The following NUDCD1 variants were observed in gnomAD, a reference collection of about 807,000 sequenced individuals.
The protein encoded by NUDCD1 is NudC domain containing 1, also known as nudC domain-containing protein 1.
A neutral mutation model predicts 67.8 loss-of-function variants in NUDCD1; 60 were observed. The ratio of observed to expected loss-of-function variants is 0.88; its 90% CI spans 0.72 to 1.10. The LOEUF is 1.10. Ranked by LOEUF, NUDCD1 falls within the 50% of genes least tolerant of loss-of-function variation. NUDCD1 has a pLI of 0.00. For synonymous variants in NUDCD1, 244 were observed against 230.8 expected (o/e 1.06, Z -0.52); for missense variants, 643 against 695.0 (o/e 0.93, Z 0.84).
chr8:109,305,572 A>G (rs556373653), intron 2 of NUDCD1, among the ~76,000 whole-genome samples: 16 of 152,254 alleles, frequency 1.1e-4, no homozygotes, highest in Non-Finnish European at 2.9e-5. Context: ...TCCTCGAGAT[A>G]CTACAGGGTA....
chr8:109,287,917 T>A lies in NUDCD1; in HGVS notation c.823+1834A>T, dbSNP rs190736747. Among the ~76,000 whole-genome samples, 797 of 152,306 alleles carry A rather than the reference T, an allele frequency of 5.2e-3. 8 individuals carry two copies. Among genetic ancestry groups the A allele is most frequent in the African/African-American group, 0.018 (767 of 41,566 alleles). On this transcript the variant is annotated intron_variant, in intron 5 of 9. Transcript: ENST00000239690. ...ACAAACACCTAAATAATTCTCTCAA[T>A]TACTGGTTGCTTTGAGTACCTTTCT...
At chr8:109,258,390 GATA>G (rs1813786680) in intron 8 of NUDCD1, among the ~76,000 whole-genome samples, 1 of 151,636 alleles carries the variant, frequency 6.6e-6, no homozygotes, top group South Asian at 2.1e-4. Context: ...CATAGCAAAT[GATA>G]ATAATAATAA....
chr8:109,292,668 G>A (rs1331940098), intron 4 of NUDCD1, among the ~76,000 whole-genome samples: 31 of 151,992 alleles, frequency 2.0e-4, no homozygotes. Context: ...CAGTTAAAAA[G>A]AAAACACTCA....
intron 8 of NUDCD1, among the ~76,000 whole-genome samples, chr8:109,257,968 T>G (rs1057316000): frequency 6.6e-5 from 10 of 152,146 alleles, no homozygotes; most frequent in South Asian, 2.1e-4. Context: ...AGGTTTTTGT[T>G]TTACTCTCAT....
chr8:109,295,953 T>C (rs938218262), intron 3 of NUDCD1, among the ~76,000 whole-genome samples: 2 of 152,196 alleles, frequency 1.3e-5, no homozygotes, highest in Non-Finnish European at 1.5e-5. Flanking sequence ...ATTTATATCA[T>C]GTATTTTTCT....
chr8:109,314,893 C>T (rs775154039), intron 2 of NUDCD1, among the ~76,000 whole-genome samples: 4 of 151,824 alleles, frequency 2.6e-5, no homozygotes, highest in South Asian at 2.1e-4. Flanking sequence ...TTTGAACTAA[C>T]GAAGTAGTTT....
chr8:109,258,225 AT>A (rs1274087247), intron 8 of NUDCD1, among the ~76,000 whole-genome samples: 5 of 151,908 alleles, frequency 3.3e-5, no homozygotes, highest in African/African-American at 4.8e-5. Context: ...AGTCAAAATA[AT>A]TTTTTTTCTT....
At chr8:109,331,515 CAA>C (rs59203626) in intron 1 of NUDCD1, among the ~76,000 whole-genome samples, 931 of 65,842 alleles carry the variant, frequency 0.014, 8 homozygotes, top group African/African-American at 0.045. Flanking sequence ...GACTCAGACT[CAA>C]AAAAAAAAAA....
At chr8:109,291,006 C>T (rs1814699189) in intron 4 of NUDCD1, among the ~76,000 whole-genome samples, 1 of 151,982 alleles carries the variant, frequency 6.6e-6, no homozygotes, top group Non-Finnish European at 1.5e-5. Context: ...GGCCAAAAGT[C>T]CTACTTGACT....
Position 109,245,359 on chromosome 8 carries a change from A to C in NUDCD1, c.1422T>G (p.Asp474Glu). ...LLWQPHSSKQDDMWEHIATFN... is the reference protein window; with the variant it reads ...LLWQPHSSKQEDMWEHIATFN... ...AAGTTGCGATGTGCTCCCACATATC[A>C]TCTTGTTTGCTGGAGTGTGGTTGCC... The change falls in exon 9 of 10, where the codon GAT (aspartate) becomes GAG (glutamate). Residue 474 changes from aspartate (D) to glutamate (E), a missense_variant. Transcript: ENST00000239690. 1 of 1,613,986 alleles carries C rather than the reference A, an allele frequency of 6.2e-7. No homozygotes were observed. Among genetic ancestry groups the C allele is most frequent in the Non-Finnish European group, 8.5e-7 (1 of 1,179,930 alleles).
chr8:109,246,617 A>G (rs1487636050), intron 8 of NUDCD1, among the ~76,000 whole-genome samples: 2 of 152,194 alleles, frequency 1.3e-5, no homozygotes, highest in African/African-American at 2.4e-5. Flanking sequence ...AACTCACTGA[A>G]TTTCATCTAC....
At chr8:109,300,811 A>C (rs762243975) in intron 2 of NUDCD1, among the ~76,000 whole-genome samples, 10 of 152,226 alleles carry the variant, frequency 6.6e-5, no homozygotes, top group Non-Finnish European at 1.2e-4. Flanking sequence ...AGCTATCTAA[A>C]GTTAAGGTGA....
intron 8 of NUDCD1, among the ~76,000 whole-genome samples, chr8:109,247,720 C>A (rs1813530621): frequency 6.6e-6 from 1 of 152,152 alleles, no homozygotes; most frequent in South Asian, 2.1e-4. Context: ...TCCTCTAAGA[C>A]TCAATTCAAC....
At chr8:109,286,922 G>A (rs1814587013) in intron 5 of NUDCD1, among the ~76,000 whole-genome samples, 1 of 152,014 alleles carries the variant, frequency 6.6e-6, no homozygotes, top group Non-Finnish European at 1.5e-5. Flanking sequence ...AAATGAACAA[G>A]CACAAAACAA....
chr8:109,267,767 T>A (rs776640170), intron 8 of NUDCD1, among the ~76,000 whole-genome samples: 2 of 152,198 alleles, frequency 1.3e-5, no homozygotes, highest in Non-Finnish European at 2.9e-5. Flanking sequence ...ATAAAAGCTA[T>A]GGTACAGTGA....
chr8:109,321,632 A>C (rs963356503), intron 2 of NUDCD1, among the ~76,000 whole-genome samples: 3 of 152,116 alleles, frequency 2.0e-5, no homozygotes, highest in Admixed American at 6.5e-5. Flanking sequence ...ATATTAGCCC[A>C]AGAATATTGG....
In NUDCD1 at chr8:109,333,977, T is replaced by A; in HGVS notation, c.34A>T (p.Lys12Ter). The A allele has an allele frequency of 6.2e-7, 1 of 1,614,092 alleles. No homozygotes were observed. Among genetic ancestry groups the A allele is most frequent in the Non-Finnish European group, 8.5e-7 (1 of 1,179,974 alleles). Residue 12 changes from lysine to a stop codon, truncating the protein, a stop_gained, in exon 1 of 10, where the codon AAG becomes TAG. Transcript: ENST00000239690. LOFTEE classifies it high-confidence loss of function. ...AAGCGGGGATCCAACAGAGGTCTCT[T>A]CACCCGTAGGGAGCAATTAGCCGCC... is the stretch of plus-strand genomic sequence containing the variant. ...EVAANCSLRV[K>*]RPLLDPRFEG...
intron 8 of NUDCD1, among the ~76,000 whole-genome samples, chr8:109,270,565 T>C (rs1172828946): frequency 6.6e-6 from 1 of 152,214 alleles, no homozygotes; most frequent in Non-Finnish European, 1.5e-5. Flanking sequence ...TTTTTAAAAA[T>C]AGCATCATCA....
chr8:109,330,360 G>A (rs1168171768), intron 1 of NUDCD1, among the ~76,000 whole-genome samples: 1 of 152,188 alleles, frequency 6.6e-6, no homozygotes, highest in Non-Finnish European at 1.5e-5. Flanking sequence ...CTTAAATGCA[G>A]TGTTTCAGGT....
Sources: allele counts gnomAD v4.1 joint callset (sites outside exome capture counted in the v4.1 genomes callset), GRCh38; gene constraint gnomAD v4.1.1; transcripts MANE v1.5; gene names NCBI Gene and HGNC (gene_info 2026-07-23, HGNC 2026-07-21).